Variants in DIAPH2 observed in about 807,000 individuals in gnomAD.
The protein encoded by DIAPH2 is diaphanous related formin 2, also known as protein diaphanous homolog 2.
DIAPH2 carries 35 observed loss-of-function variants against 92.7 expected under a neutral mutation model. The ratio of observed to expected loss-of-function variants is 0.38; its 90% confidence interval spans 0.29 to 0.50. DIAPH2 has a LOEUF of 0.50. Ranked by LOEUF, DIAPH2 falls within the 20% of genes least tolerant of loss-of-function variation. DIAPH2 has a pLI of 0.94. For synonymous variants in DIAPH2, 301 were observed against 280.4 expected (o/e 1.07, Z -0.73); for missense variants, 701 against 819.5 (o/e 0.86, Z 1.77).
chrX:96,985,362 T>C (rs1418217681), intron 17 of DIAPH2, among the ~76,000 whole-genome samples: 1 of 110,887 alleles, frequency 9.0e-6, no homozygotes, highest in Non-Finnish European at 1.9e-5. Context: ...CTAAGGGTTC[T>C]TTTTGTAGAA....
At position 96,685,054 on chromosome X, in the gene DIAPH2, G is replaced by C; in HGVS notation, c.-5G>C. The C allele has an allele frequency of 1.0e-6, 1 of 999,073 alleles. No individual in the cohort carries two copies. Among genetic ancestry groups the C allele is most frequent in the Non-Finnish European group, 1.3e-6 (1 of 786,061 alleles). 82.3% of individuals were successfully genotyped at this position (999,073 alleles called of 1,213,427 possible). A position where few individuals can be genotyped will look rare whatever the true frequency, so the allele number is the denominator to read the frequency against. The stretch of plus-strand genomic sequence containing the variant: ...ACAGGGCACAGGTGACAGGGCCGGA[G>C]AAAGATGGAGCAGCCCGGGGCGGCG... On this transcript the variant is annotated 5_prime_UTR_variant, in exon 1 of 27. Transcript: ENST00000324765.
chrX:96,840,584 G>C (rs1279984198), intron 4 of DIAPH2, among the ~76,000 whole-genome samples: 1 of 110,683 alleles, frequency 9.0e-6, no homozygotes, highest in Non-Finnish European at 1.9e-5. Context: ...GCCTTTTCCT[G>C]TGTTGTTTGT....
intron 26 of DIAPH2, among the ~76,000 whole-genome samples, chrX:97,573,663 T>G (rs1016480882): frequency 9.2e-6 from 1 of 108,197 alleles, no homozygotes; most frequent in African/African-American, 3.4e-5. Context: ...TTTGTTTTTT[T>G]TTTTGTTTTT....
At chrX:96,711,584 G>T (rs1477416418) in intron 1 of DIAPH2, among the ~76,000 whole-genome samples, 1 of 111,223 alleles carries the variant, frequency 9.0e-6, no homozygotes, top group Non-Finnish European at 1.9e-5. Context: ...TTTGTCAGAT[G>T]CATGGGAGGA....
At chrX:96,837,431 CTCTGTGTG>C (rs1328230296) in intron 4 of DIAPH2, among the ~76,000 whole-genome samples, 16 of 36,504 alleles carry the variant, frequency 4.4e-4, no homozygotes, top group African/African-American at 4.3e-3. Flanking sequence ...CTCTCTCTCT[CTCTGTGTG>C]TGTGTGTGTG....
At chrX:97,562,651 T>C (rs185968203) in intron 26 of DIAPH2, among the ~76,000 whole-genome samples, 2 of 112,183 alleles carry the variant, frequency 1.8e-5, no homozygotes, top group African/African-American at 6.5e-5. Flanking sequence ...TTCTCTCCAC[T>C]ATATCGTGCT....
In DIAPH2 at chrX:96,937,362, A is replaced by G. The variant is rs369071615; in HGVS notation, c.1208+11A>G. On this transcript the variant is annotated intron_variant, in intron 11 of 26. Transcript: ENST00000324765. ...TCGAGCAGAAATGGAATATCCTTTG[A>G]CAAACCACAAAACAATTTTGTTTGC... 1.9e-5 allele frequency: 20 copies of G among 1,032,352 alleles called. No homozygotes were observed. In the African/African-American group the frequency reaches 3.4e-4, roughly 17 times the overall value. 85.1% of individuals were successfully genotyped at this position (1,032,352 alleles called of 1,213,427 possible). A position where few individuals can be genotyped will look rare whatever the true frequency, so the allele number is the denominator to read the frequency against.
intron 22 of DIAPH2, among the ~76,000 whole-genome samples, chrX:97,152,115 T>C (rs1602377155): frequency 9.0e-6 from 1 of 111,660 alleles, no homozygotes; most frequent in Non-Finnish European, 1.9e-5. Context: ...CTCTGATATA[T>C]TCATCAATAA....
In DIAPH2 at chrX:97,392,759, A is replaced by G. The variant is rs151062039; in HGVS notation, c.3145+8715A>G. Among the ~76,000 whole-genome samples the G allele has an allele frequency of 2.9e-3, 329 of 112,108 alleles. 1 individual carries two copies. Among genetic ancestry groups the G allele is most frequent in the African/African-American group, 8.5e-3 (264 of 30,924 alleles). On this transcript the variant is annotated intron_variant, in intron 25 of 26. Transcript: ENST00000324765. ...TCAAGTCCCAGCACCACAGTTTGCTAGCCATATAATCTCTGACAAGGTGTT... is the reference window on the plus strand; with the variant it reads ...TCAAGTCCCAGCACCACAGTTTGCTGGCCATATAATCTCTGACAAGGTGTT...
At chrX:97,480,088 G>A (rs1305778284) in intron 26 of DIAPH2, among the ~76,000 whole-genome samples, 1 of 111,814 alleles carries the variant, frequency 8.9e-6, no homozygotes, top group Non-Finnish European at 1.9e-5. Context: ...CCCAGTATCT[G>A]TGAATAGGAC....
rs1044731350 is a variant in DIAPH2, at chrX:97,352,596, T to G, written c.3009+4316T>G. On this transcript the variant is annotated intron_variant, in intron 24 of 26. Coordinates refer to ENST00000324765, the MANE Select transcript of DIAPH2 (RefSeq NM_006729.5). ...TTAAAGAACAGCATACAGGCCAGGC[T>G]CAGTGGCTCAAGCCGGTAATCCCAG... 6.4e-5 allele frequency among the ~76,000 whole-genome samples: 7 copies of G among 109,263 alleles called. 1 individual carries two copies. The highest frequency in any genetic ancestry group is 7.7e-5 in the Non-Finnish European group (4 of 52,146). The allele number at this position is 109,263 out of a possible 115,157, so 94.9% of individuals were successfully genotyped here.
At chrX:97,195,576 G>A (rs921640812) in intron 22 of DIAPH2, among the ~76,000 whole-genome samples, 1 of 106,914 alleles carries the variant, frequency 9.4e-6, no homozygotes, top group Admixed American at 1.0e-4. Flanking sequence ...CAGGAGAATC[G>A]CTTGAACCTG....
chrX:96,819,828 C>T (rs1363971123), intron 4 of DIAPH2, among the ~76,000 whole-genome samples: 2 of 111,742 alleles, frequency 1.8e-5, no homozygotes, highest in Non-Finnish European at 3.8e-5. Context: ...TGAATGCCTG[C>T]TATGCACTGA....
chrX:97,476,367 G>C (rs1276132627), intron 26 of DIAPH2, among the ~76,000 whole-genome samples: 3 of 111,710 alleles, frequency 2.7e-5, no homozygotes, highest in African/African-American at 9.8e-5. Context: ...AATGAGTGAA[G>C]TTCAGCTTGG....
chrX:97,259,986 C>T (rs1022508636), intron 23 of DIAPH2, among the ~76,000 whole-genome samples: 106 of 111,619 alleles, frequency 9.5e-4, no homozygotes, highest in Non-Finnish European at 2.4e-4. Flanking sequence ...CCCGTCACCA[C>T]TCCGAGCTAA....
intron 19 of DIAPH2, among the ~76,000 whole-genome samples, chrX:97,078,780 T>C (rs1356132693): frequency 9.0e-6 from 1 of 110,701 alleles, no homozygotes; most frequent in Admixed American, 9.7e-5. Context: ...TAGGGTAGGG[T>C]GGGCTGTGGT....
chrX:97,201,006 TCCA>T (rs1223082673), intron 22 of DIAPH2, among the ~76,000 whole-genome samples: 2 of 110,703 alleles, frequency 1.8e-5, no homozygotes, highest in Non-Finnish European at 3.8e-5. Context: ...TTCTGCAGCC[TCCA>T]CTGGTGATAC....
At chrX:97,170,909 C>A (rs2067448289) in intron 22 of DIAPH2, among the ~76,000 whole-genome samples, 1 of 109,191 alleles carries the variant, frequency 9.2e-6, no homozygotes, top group Admixed American at 9.9e-5. Flanking sequence ...TGGAGTCTCG[C>A]TCTGTTATTT....
At chrX:97,258,889 A>ACAACAAC (rs1423487122) in intron 23 of DIAPH2, among the ~76,000 whole-genome samples, 1 of 102,094 alleles carries the variant, frequency 9.8e-6, no homozygotes, top group African/African-American at 3.7e-5. Context: ...AAAAAAAAAA[A>ACAACAAC]AACAACAACA....
Sources: allele counts gnomAD v4.1 joint callset (sites outside exome capture counted in the v4.1 genomes callset), GRCh38; gene constraint gnomAD v4.1.1; transcripts MANE v1.5; gene names NCBI Gene and HGNC (gene_info 2026-07-23, HGNC 2026-07-21).